The following KIF6 variants were observed in gnomAD, a reference collection of about 807,000 sequenced individuals.
KIF6 encodes kinesin family member 6, also known as kinesin-like protein KIF6.
In KIF6, 106 loss-of-function variants were observed where a neutral mutation model predicts 112.7. That is an observed-to-expected ratio of 0.94 (90% confidence interval 0.80 to 1.11). The LOEUF is 1.11. Among genes scored for constraint, KIF6 ranks in the 50% least tolerant of loss-of-function variants. The probability of loss-of-function intolerance (pLI) is 0.00; values close to 1 mark genes in which losing one functional copy is unlikely to be tolerated. For synonymous variants in KIF6, 339 were observed against 339.9 expected (o/e 1.00, Z 0.03); for missense variants, 929 against 964.0 (o/e 0.96, Z 0.48).
intron 13 of KIF6, among the ~76,000 whole-genome samples, chr6:39,486,063 G>A (rs776723883): frequency 1.8e-4 from 27 of 152,200 alleles, no homozygotes; most frequent in Admixed American, 1.5e-3. Context: ...GCTTGTGGCA[G>A]ATGAAAGATG....
At chr6:39,484,234 C>A (rs1280346166) in intron 13 of KIF6, among the ~76,000 whole-genome samples, 2 of 152,170 alleles carry the variant, frequency 1.3e-5, no homozygotes, top group Non-Finnish European at 2.9e-5. Flanking sequence ...TGCTCCATGG[C>A]AGATGCTTAA....
intron 15 of KIF6, among the ~76,000 whole-genome samples, chr6:39,399,216 A>G (rs144852615): frequency 3.1e-3 from 474 of 152,272 alleles, no homozygotes; most frequent in Non-Finnish European, 5.6e-3. Flanking sequence ...GAGAACCCTG[A>G]CTAATACAGA....
chr6:39,634,351 A>C (rs565962753), intron 5 of KIF6, among the ~76,000 whole-genome samples: 1 of 152,184 alleles, frequency 6.6e-6, no homozygotes, highest in Non-Finnish European at 1.5e-5. Context: ...GTCATGAAAC[A>C]ATCAGTGCCA....
chr6:39,451,463 G>A (rs1044707855), intron 13 of KIF6, among the ~76,000 whole-genome samples: 1 of 152,178 alleles, frequency 6.6e-6, no homozygotes, highest in Admixed American at 6.5e-5. Flanking sequence ...TTTCTAGGAA[G>A]CCAGTTTATT....
chr6:39,531,705 C>T (rs1421504313), intron 13 of KIF6, among the ~76,000 whole-genome samples: 2 of 152,156 alleles, frequency 1.3e-5, no homozygotes, highest in African/African-American at 4.8e-5. Flanking sequence ...CACCCAGACA[C>T]CAGGGGGCCA....
chr6:39,431,023 A>G, intron 14 of KIF6, 30 bp downstream of exon 14: 1 of 1,425,368 alleles, frequency 7.0e-7, no homozygotes, highest in Non-Finnish European at 9.9e-7. Context: ...TGAGCCTCGG[A>G]GGACCAGCTG....
chr6:39,522,356 A>C (rs1777446470), intron 13 of KIF6, among the ~76,000 whole-genome samples: 1 of 152,110 alleles, frequency 6.6e-6, no homozygotes, highest in Admixed American at 6.5e-5. Context: ...AGAGTGAAAA[A>C]ATCATCCAGT....
intron 13 of KIF6, among the ~76,000 whole-genome samples, chr6:39,482,719 C>G (rs1774873237): frequency 6.6e-6 from 1 of 152,218 alleles, no homozygotes; most frequent in Admixed American, 6.5e-5. Context: ...CTGCCTCCCT[C>G]CCATCCATTG....
At chr6:39,633,658 G>C (rs1324692290) in intron 5 of KIF6, among the ~76,000 whole-genome samples, 1 of 152,204 alleles carries the variant, frequency 6.6e-6, no homozygotes, top group African/African-American at 2.4e-5. Context: ...AGTCCACCCT[G>C]TGTCCTCCAC....
At chr6:39,648,997 C>CA (rs11457388) in intron 3 of KIF6, among the ~76,000 whole-genome samples, 48,376 of 126,096 alleles carry the variant, frequency 0.38, 8,873 homozygotes, top group South Asian at 0.53. Context: ...CTGTCTCTGC[C>CA]AAAAAAAAAA....
In KIF6 at chr6:39,462,853, A is replaced by T. The variant is rs1308596190; in HGVS notation, c.1646-31692T>A. ...CAGAGAAAATATTCAGTTAATTTTC[A>T]TTAGTTGATGATTAGATATAGAGCT... On this transcript the variant is annotated intron_variant, in intron 13 of 22. Coordinates refer to ENST00000287152, the MANE Select transcript of KIF6 (RefSeq NM_145027.6). Among the ~76,000 whole-genome samples, 5 of 152,298 alleles carry T rather than the reference A, an allele frequency of 3.3e-5. No individual in the cohort carries two copies. In the East Asian group the frequency reaches 9.6e-4, roughly 29 times the overall value.
At chr6:39,480,664 C>T (rs1774739192) in intron 13 of KIF6, among the ~76,000 whole-genome samples, 1 of 152,126 alleles carries the variant, frequency 6.6e-6, no homozygotes, top group South Asian at 2.1e-4. Flanking sequence ...TGATAGAATT[C>T]AGCTGTGAGT....
intron 13 of KIF6, among the ~76,000 whole-genome samples, chr6:39,515,844 T>C (rs758353364): frequency 4.6e-5 from 7 of 152,194 alleles, no homozygotes; most frequent in East Asian, 1.9e-4. Context: ...CTGTGAGATA[T>C]CATACTTATG....
At chr6:39,584,489 T>G (rs2150658169) in intron 9 of KIF6, among the ~76,000 whole-genome samples, 1 of 132,960 alleles carries the variant, frequency 7.5e-6, no homozygotes, top group South Asian at 2.5e-4. Flanking sequence ...ATAGTTAAAC[T>G]GATGTATTTT....
intron 10 of KIF6, among the ~76,000 whole-genome samples, chr6:39,566,755 A>G (rs1780300592): frequency 6.6e-6 from 1 of 152,220 alleles, no homozygotes; most frequent in Non-Finnish European, 1.5e-5. Context: ...GGTATATGCC[A>G]AGGGAGAACA....
chr6:39,569,022 G>A (rs543501127), intron 10 of KIF6, among the ~76,000 whole-genome samples: 3 of 152,006 alleles, frequency 2.0e-5, no homozygotes, highest in African/African-American at 7.2e-5. Context: ...GAGGTTCATA[G>A]TTTCCTGAAA....
At chr6:39,377,368 C>G (rs1014276641) in intron 16 of KIF6, among the ~76,000 whole-genome samples, 1 of 151,278 alleles carries the variant, frequency 6.6e-6, no homozygotes, top group Non-Finnish European at 1.5e-5. Flanking sequence ...CCATCCCCCC[C>G]CAACCCCGGT....
At chr6:39,569,210 C>T (rs1780510616) in intron 10 of KIF6, among the ~76,000 whole-genome samples, 1 of 152,192 alleles carries the variant, frequency 6.6e-6, no homozygotes, top group Admixed American at 6.5e-5. Flanking sequence ...GGATAAAGCA[C>T]TATTGGTCCA....
At chr6:39,639,385 T>C (rs1160724240) in intron 4 of KIF6, among the ~76,000 whole-genome samples, 2 of 152,114 alleles carry the variant, frequency 1.3e-5, no homozygotes, top group African/African-American at 2.4e-5. Context: ...GAAATGTCCT[T>C]GAGCCTTTGC....
Sources: gnomAD v4.1 joint callset for allele counts (sites outside exome capture counted in the v4.1 genomes callset) on GRCh38, gnomAD v4.1.1 for gene constraint, MANE v1.5 for transcripts, NCBI Gene and HGNC (gene_info 2026-07-23, HGNC 2026-07-21) for gene names.